The following MAP2K2 variants were observed in gnomAD, a reference collection of about 807,000 sequenced individuals.
The protein encoded by MAP2K2 is dual specificity mitogen-activated protein kinase kinase 2.
In MAP2K2, 24 loss-of-function variants were observed where a neutral mutation model predicts 43.7. The observed-to-expected ratio is 0.55, with a 90% CI of 0.40 to 0.77. The LOEUF (loss-of-function observed/expected upper bound fraction) is 0.77, where lower values mean the gene tolerates loss of function less well. Ranked by LOEUF, MAP2K2 falls within the 30% of genes least tolerant of loss-of-function variation. The pLI is 0.00. For missense variants in MAP2K2, 470 were observed against 566.8 expected, an observed-to-expected ratio of 0.83 and a Z score of 1.73; for synonymous variants, 244 against 239.7, an observed-to-expected ratio of 1.02 and a Z score of -0.17.
intron 1 of MAP2K2, among the ~76,000 whole-genome samples, chr19:4,118,007 G>A (rs113290434): frequency 1.3e-5 from 2 of 151,964 alleles, no homozygotes; most frequent in East Asian, 1.9e-4. Context: ...GCGCGATCTC[G>A]GCTCCCTGCA....
rs1477438416 is a variant in MAP2K2 at position 4,101,243 on chromosome 19, TG to T, written c.565del (p.Gln189ArgfsTer7). The stretch of plus-strand genomic sequence containing the variant: ...CTGGGCCTTACCTCGGTGCATGATC[TG>T]GTGCTTCTCTCGGAGGTACGCCAAG... ...RGLAYLREKH[Q>X]IMHRDVKPSN... On this transcript the variant is annotated frameshift_variant, in exon 5 of 11. Coordinates refer to ENST00000262948, the MANE Select transcript of MAP2K2 (RefSeq NM_030662.4). LOFTEE classifies it high-confidence loss of function. The surrounding 1 kb of genome is among the most constrained non-coding windows in gnomAD (Gnocchi z 6.3). 6.3e-7 allele frequency: 1 copy of T among 1,588,846 alleles called. No individual in the cohort carries two copies. The highest frequency in any genetic ancestry group is 8.6e-7 in the Non-Finnish European group (1 of 1,168,564).
chr19:4,097,501 GCCTGACT>G (rs1189616600), intron 7 of MAP2K2, among the ~76,000 whole-genome samples, 158 bp from the exon 8 acceptor site: 1 of 152,160 alleles, frequency 6.6e-6, no homozygotes, highest in Non-Finnish European at 1.5e-5. Flanking sequence ...AAGCTCCCCT[GCCTGACT>G]CTGGGTTCCA....
In MAP2K2 at chr19:4,123,794, C is replaced by T. The variant is rs2145089750; in HGVS notation, c.82G>A (p.Gly28Ser). ...IAEGPSPTSEGASEANLVDLQ... is the reference protein window; with the variant it reads ...IAEGPSPTSESASEANLVDLQ... The stretch of plus-strand genomic sequence containing the variant: ...CCCCTGCCCACTCACTCGGAGGCGC[C>T]CTCGCTGGTAGGGGATGGGCCCTCG... The change falls in exon 1 of 11, where the codon GGC becomes AGC. Residue 28 changes from glycine to serine, a missense_variant. Transcript: ENST00000262948. 3 of 1,560,800 alleles carry T rather than the reference C, an allele frequency of 1.9e-6. No individual in the cohort carries two copies. Among genetic ancestry groups the T allele is most frequent in the South Asian group, 1.2e-5 (1 of 84,538 alleles).
At position 4,102,413 on chromosome 19, in the gene MAP2K2, C is replaced by A. The variant is rs751317148; in HGVS notation, c.491G>T (p.Arg164Met). The change falls in exon 4 of 11, where the codon AGG becomes ATG. Residue 164 changes from arginine (R) to methionine (M), a missense_variant. Arg to Met is a moderately conservative substitution (Grantham distance 91). This residue lies in a region of MAP2K2 where 200 missense variants were observed against 297.9 expected (regional missense o/e 0.67). Transcript: ENST00000262948. Reference sequence around the variant, plus strand: ...TTTCCCCAGGATCTCCTCGGGAATCCTCTTGGCCTCTTTCAGCACCTGGTC... The same window carrying A: ...TTTCCCCAGGATCTCCTCGGGAATCATCTTGGCCTCTTTCAGCACCTGGTC... ...SLDQVLKEAK[R>M]IPEEILGKVS... 48 of 1,606,634 alleles carry A rather than the reference C, an allele frequency of 3.0e-5. No individual in the cohort carries two copies. Among genetic ancestry groups the A allele is most frequent in the Non-Finnish European group, 3.9e-5 (46 of 1,177,484 alleles).
At position 4,101,751 on chromosome 19, in the gene MAP2K2, A is replaced by G. The variant is rs1044926549; in HGVS notation, c.529-471T>C. Among the ~76,000 whole-genome samples, 11 of 152,152 alleles carry G rather than the reference A, an allele frequency of 7.2e-5. No homozygotes were observed. Among genetic ancestry groups the G allele is most frequent in the Admixed American group, 2.0e-4 (3 of 15,276 alleles). On this transcript the variant is annotated intron_variant, in intron 4 of 10. Transcript: ENST00000262948. The surrounding 1 kb of genome is among the most constrained non-coding windows in gnomAD (Gnocchi z 6.3). The stretch of plus-strand genomic sequence containing the variant: ...CTGGAAGCAGCATCCCGAGAAGTGA[A>G]GCAAGCAGCACAGGCAGTGTGACGG...
At position 4,101,501 on chromosome 19, in the gene MAP2K2, T is replaced by C. The variant is rs2041011556; in HGVS notation, c.529-221A>G. ...GTGTGCAAGTCAACCCCGGTTCCCA[T>C]GGCCGCAGTGCCGCCGATGCCACTA... is the stretch of plus-strand genomic sequence containing the variant. On this transcript the variant is annotated intron_variant, in intron 4 of 10. Transcript: ENST00000262948. This position sits in a 1 kb window ranked among gnomAD's most constrained non-coding sequence, Gnocchi z 6.3. Among the ~76,000 whole-genome samples, 1 of 152,156 alleles carries C rather than the reference T, an allele frequency of 6.6e-6. No individual in the cohort carries two copies. The highest frequency in any genetic ancestry group is 2.1e-4 in the South Asian group (1 of 4,830).
At chr19:4,113,274 C>T (rs999787089) in intron 2 of MAP2K2, among the ~76,000 whole-genome samples, 12 of 152,086 alleles carry the variant, frequency 7.9e-5, no homozygotes, top group Non-Finnish European at 1.5e-4. Context: ...ATAGCAGAGG[C>T]GAGGGAGGCC....
chr19:4,090,944 G>A (rs1236142619), intron 10 of MAP2K2, among the ~76,000 whole-genome samples: 1 of 152,332 alleles, frequency 6.6e-6, no homozygotes, highest in Non-Finnish European at 1.5e-5. Context: ...CACCTGGGGC[G>A]GGGACACCAC....
At chr19:4,123,152 A>AC (rs1269810588) in intron 1 of MAP2K2, among the ~76,000 whole-genome samples, 2 of 150,262 alleles carry the variant, frequency 1.3e-5, no homozygotes, top group Non-Finnish European at 3.0e-5. Context: ...CTACTCAAGG[A>AC]CCCCACACTG....
chr19:4,099,175 C>A (rs2040963252), intron 7 of MAP2K2, 26 bp downstream of exon 7: 3 of 1,580,502 alleles, frequency 1.9e-6, no homozygotes, highest in Non-Finnish European at 2.6e-6. Context: ...CGCGTCCAGA[C>A]CGGAAGTTGC....
At chr19:4,110,486 G>T in intron 3 of MAP2K2, 23 bp downstream of exon 3, 1 of 1,611,774 alleles carries the variant, frequency 6.2e-7, no homozygotes. Flanking sequence ...CCCTGCCCCT[G>T]CCCCTGCCCC....
Position 4,124,031 on chromosome 19 carries a change from A to C in MAP2K2, c.-156T>G. On this transcript the variant is annotated 5_prime_UTR_variant, in exon 1 of 11. Coordinates refer to ENST00000262948, the MANE Select transcript of MAP2K2 (RefSeq NM_030662.4). ...CGGGCGGCGCTGCGGGCCTGGGCCG[A>C]GGGTAGCCGAGGGGCGCTGGGGCTG... The C allele has an allele frequency of 5.2e-6, 1 of 193,896 alleles. No homozygotes were observed. Among genetic ancestry groups the C allele is most frequent in the Non-Finnish European group, 1.0e-5 (1 of 97,714 alleles). 12.0% of individuals were successfully genotyped at this position (193,896 alleles called of 1,614,324 possible).
At chr19:4,106,018 A>G (rs1312963421) in intron 3 of MAP2K2, among the ~76,000 whole-genome samples, 1 of 152,222 alleles carries the variant, frequency 6.6e-6, no homozygotes, top group Non-Finnish European at 1.5e-5. Context: ...CCCAGGCTGT[A>G]GAGCAGTGGC....
intron 2 of MAP2K2, among the ~76,000 whole-genome samples, chr19:4,116,089 C>T (rs1359143954): frequency 1.3e-5 from 2 of 152,142 alleles, no homozygotes; most frequent in African/African-American, 2.4e-5. Context: ...GGTGAGACCA[C>T]GGTGCCCAGT....
intron 1 of MAP2K2, among the ~76,000 whole-genome samples, chr19:4,119,038 C>A (rs2041261836): frequency 6.6e-6 from 1 of 152,080 alleles, no homozygotes; most frequent in African/African-American, 2.4e-5. Context: ...CAGGTGAACT[C>A]ACTTCATTTA....
intron 2 of MAP2K2, among the ~76,000 whole-genome samples, chr19:4,112,868 A>G (rs1468480952): frequency 6.6e-6 from 1 of 152,232 alleles, no homozygotes; most frequent in African/African-American, 2.4e-5. Flanking sequence ...CCGTTGCACA[A>G]GGGCCTGGTA....
chr19:4,102,343 T>A lies in MAP2K2; in HGVS notation c.528+33A>T, dbSNP rs929575068. On this transcript the variant is annotated intron_variant, in intron 4 of 10. Transcript: ENST00000262948. ...TGGAAGAGGTCCGTGCAGAGTGCGG[T>A]GGGGGCGCGATGTGGGTCTGCGGTG... 2.6e-6 allele frequency: 4 copies of A among 1,547,234 alleles called. No individual in the cohort carries two copies. In the East Asian group the frequency reaches 7.0e-5, roughly 27 times the overall value.
chr19:4,121,598 C>T (rs1361892738), intron 1 of MAP2K2, among the ~76,000 whole-genome samples: 26 of 89,320 alleles, frequency 2.9e-4, no homozygotes, highest in African/African-American at 3.6e-4. Flanking sequence ...ACCCCCTAAC[C>T]TGACCCCCCC....
chr19:4,116,985 C>G (rs1289239035), intron 2 of MAP2K2, among the ~76,000 whole-genome samples: 1 of 152,072 alleles, frequency 6.6e-6, no homozygotes, highest in Non-Finnish European at 1.5e-5. Flanking sequence ...AAAACATGGC[C>G]TGATCATCTT....
Sources: allele counts gnomAD v4.1 joint callset (sites outside exome capture counted in the v4.1 genomes callset), GRCh38; gene constraint gnomAD v4.1.1; regional missense constraint gnomAD v4.1.1; non-coding constraint Gnocchi (gnomAD v3.1); transcripts MANE v1.5; gene names NCBI Gene and HGNC (gene_info 2026-07-23, HGNC 2026-07-21).